The following SCAPER variants were observed in gnomAD, a reference collection of about 807,000 sequenced individuals.
SCAPER encodes the protein S phase cyclin A-associated protein in the endoplasmic reticulum.
Under a neutral mutation model 182.2 loss-of-function variants are expected in SCAPER, and 98 were observed. The observed-to-expected ratio is 0.54, with a 90% confidence interval of 0.46 to 0.64. SCAPER has a LOEUF of 0.64. Ranked by LOEUF, SCAPER falls within the 30% of genes least tolerant of loss-of-function variation. SCAPER has a pLI of 0.00. For missense variants in SCAPER, 1,432 were observed against 1,690.0 expected (o/e 0.85, Z 2.68); for synonymous variants, 605 against 564.6 (o/e 1.07, Z -1.01).
At chr15:76,596,326 C>CA (rs34691848) in intron 22 of SCAPER, among the ~76,000 whole-genome samples, 24,021 of 75,268 alleles carry the variant, frequency 0.32, 6,451 homozygotes, top group East Asian at 0.66. Context: ...GCCTACCAAC[C>CA]AAAAAAAAAA....
chr15:76,372,131 G>A (rs1393593194), intron 29 of SCAPER, among the ~76,000 whole-genome samples: 9 of 151,904 alleles, frequency 5.9e-5, no homozygotes, highest in Admixed American at 5.9e-4. Flanking sequence ...AGAAGTGGAT[G>A]TCCAGTTTAG....
intron 29 of SCAPER, among the ~76,000 whole-genome samples, chr15:76,374,862 CA>C (rs1293197427): frequency 6.6e-6 from 1 of 151,932 alleles, no homozygotes; most frequent in Non-Finnish European, 1.5e-5. Context: ...ATCCCAGTTT[CA>C]AAGATAAAGA....
chr15:76,815,881 C>T (rs1318219945), intron 5 of SCAPER, among the ~76,000 whole-genome samples: 1 of 152,192 alleles, frequency 6.6e-6, no homozygotes, highest in East Asian at 1.9e-4. Context: ...AGGTTGAGGA[C>T]TACTGCTGTA....
At chr15:76,357,507 G>T (rs1319836464) in intron 29 of SCAPER, among the ~76,000 whole-genome samples, 1 of 152,200 alleles carries the variant, frequency 6.6e-6, no homozygotes, top group African/African-American at 2.4e-5. Context: ...TACGCTGTTG[G>T]TGGGAATGTA....
At chr15:76,388,938 C>T (rs1028027473) in intron 27 of SCAPER, among the ~76,000 whole-genome samples, 6 of 148,872 alleles carry the variant, frequency 4.0e-5, no homozygotes, top group Admixed American at 6.7e-5. Context: ...TCTAGCCTGG[C>T]GACAGAGTGA....
intron 26 of SCAPER, among the ~76,000 whole-genome samples, chr15:76,433,421 T>C (rs192400440): frequency 6.6e-6 from 1 of 152,160 alleles, no homozygotes; most frequent in East Asian, 1.9e-4. Context: ...GGCAGAAGAA[T>C]TGCTTGAACC....
intron 24 of SCAPER, among the ~76,000 whole-genome samples, chr15:76,487,114 TA>T (rs2143128020): frequency 6.6e-6 from 1 of 152,186 alleles, no homozygotes; most frequent in East Asian, 1.9e-4. Flanking sequence ...TTCTCACTTG[TA>T]AGTGGCAGCT....
At chr15:76,867,752 G>A (rs867438902) in intron 2 of SCAPER, among the ~76,000 whole-genome samples, 5 of 152,112 alleles carry the variant, frequency 3.3e-5, no homozygotes, top group Non-Finnish European at 7.4e-5. Context: ...TACTAATACT[G>A]TATCAGCCTC....
At chr15:76,873,549 T>G (rs2072932862) in intron 2 of SCAPER, among the ~76,000 whole-genome samples, 1 of 152,202 alleles carries the variant, frequency 6.6e-6, no homozygotes, top group African/African-American at 2.4e-5. Context: ...CTAACACATC[T>G]AATAATGTAC....
At chr15:76,666,814 A>C (rs1049437657) in intron 20 of SCAPER, among the ~76,000 whole-genome samples, 7 of 152,180 alleles carry the variant, frequency 4.6e-5, no homozygotes, top group African/African-American at 1.7e-4. Flanking sequence ...ACACTCCCAC[A>C]GCTAAATGTA....
chr15:76,633,635 C>G (rs996286763), intron 21 of SCAPER, among the ~76,000 whole-genome samples: 1 of 152,200 alleles, frequency 6.6e-6, no homozygotes, highest in Non-Finnish European at 1.5e-5. Flanking sequence ...TGCTGCAATT[C>G]CCACAGGGAG....
intron 23 of SCAPER, among the ~76,000 whole-genome samples, chr15:76,572,711 C>G (rs1398728956): frequency 1.3e-5 from 2 of 152,074 alleles, no homozygotes; most frequent in South Asian, 2.1e-4. Context: ...CCAGACCCAC[C>G]CTAAACCTAC....
intron 17 of SCAPER, among the ~76,000 whole-genome samples, chr15:76,714,436 G>A (rs1301401492): frequency 6.6e-6 from 1 of 152,118 alleles, no homozygotes; most frequent in African/African-American, 2.4e-5. Flanking sequence ...ATCTACTTAA[G>A]TTGAATATTT....
At chr15:76,465,767 C>T (rs1365602013) in intron 25 of SCAPER, among the ~76,000 whole-genome samples, 1 of 151,880 alleles carries the variant, frequency 6.6e-6, no homozygotes, top group African/African-American at 2.4e-5. Flanking sequence ...GATAAGGGTC[C>T]CATATCATTC....
intron 1 of SCAPER, among the ~76,000 whole-genome samples, chr15:76,902,498 A>T (rs549706516): frequency 5.9e-5 from 9 of 152,168 alleles, no homozygotes; most frequent in Admixed American, 1.3e-4. Context: ...TTTTTTTTTA[A>T]AAAAAGGTTA....
chr15:76,359,941 T>C (rs2041281643), intron 29 of SCAPER, among the ~76,000 whole-genome samples: 1 of 152,190 alleles, frequency 6.6e-6, no homozygotes, highest in African/African-American at 2.4e-5. Context: ...ATACCACATC[T>C]TGTCTCATGA....
chr15:76,897,326 C>T (rs1297734145), intron 1 of SCAPER, among the ~76,000 whole-genome samples: 1 of 152,020 alleles, frequency 6.6e-6, no homozygotes, highest in Non-Finnish European at 1.5e-5. Flanking sequence ...TTACACTAGG[C>T]TCTGACTTAA....
chr15:76,410,958 C>T (rs1175557238), intron 26 of SCAPER, among the ~76,000 whole-genome samples: 2 of 152,124 alleles, frequency 1.3e-5, no homozygotes, highest in Admixed American at 6.6e-5. Context: ...ACTGCTTTCT[C>T]TTGAGATATA....
At chr15:76,670,058 A>G (rs748985104) in intron 20 of SCAPER, among the ~76,000 whole-genome samples, 1 of 152,196 alleles carries the variant, frequency 6.6e-6, no homozygotes, top group Non-Finnish European at 1.5e-5. Context: ...AAAACCACAT[A>G]CATCAGGCAT....
Sources: allele counts gnomAD v4.1 joint callset (sites outside exome capture counted in the v4.1 genomes callset), GRCh38; gene constraint gnomAD v4.1.1; transcripts MANE v1.5; gene names NCBI Gene and HGNC (gene_info 2026-07-23, HGNC 2026-07-21).